Variants in SND1 observed in about 807,000 individuals in gnomAD.
The protein encoded by SND1 is staphylococcal nuclease and tudor domain containing 1, also known as staphylococcal nuclease domain-containing protein 1.
Under a neutral mutation model 121.7 loss-of-function variants are expected in SND1, and 38 were observed. That is an observed-to-expected ratio of 0.31 (90% CI 0.24 to 0.41). The LOEUF (loss-of-function observed/expected upper bound fraction) is 0.41. SND1 is among the 10% of genes least tolerant of loss of function. The pLI is 1.00. For missense variants in SND1, 868 were observed against 1,184.6 expected, an observed-to-expected ratio of 0.73 and a Z score of 3.92; for synonymous variants, 401 against 447.4, an observed-to-expected ratio of 0.90 and a Z score of 1.31.
intron 10 of SND1, among the ~76,000 whole-genome samples, chr7:127,788,739 T>G (rs1425912691): frequency 6.6e-6 from 1 of 152,236 alleles, no homozygotes; most frequent in Non-Finnish European, 1.5e-5. Flanking sequence ...GGATCACTGG[T>G]GCCCTGATTC....
rs185563614 is a variant in SND1 at position 127,802,155 on chromosome 7, T to C, written c.1153-5329T>C. Among the ~76,000 whole-genome samples the C allele has an allele frequency of 5.3e-5, 8 of 152,186 alleles. No individual in the cohort carries two copies. In the East Asian group the frequency reaches 1.5e-3, roughly 29 times the overall value. On this transcript the variant is annotated intron_variant, in intron 10 of 23. Transcript: ENST00000354725. ...CCACCGCGCCCAGCTCTAGAACTTTTTACTCCCCCCAAAATTCAACTACTA... is the reference window on the plus strand; with the variant it reads ...CCACCGCGCCCAGCTCTAGAACTTTCTACTCCCCCCAAAATTCAACTACTA...
chr7:127,746,731 C>A (rs2116447021), intron 10 of SND1, among the ~76,000 whole-genome samples: 1 of 152,208 alleles, frequency 6.6e-6, no homozygotes, highest in Middle Eastern at 3.4e-3. Flanking sequence ...GTGTCTTAGG[C>A]TAGAAAACTG....
intron 10 of SND1, among the ~76,000 whole-genome samples, chr7:127,793,862 G>A (rs1241646050): frequency 6.6e-6 from 1 of 152,054 alleles, no homozygotes; most frequent in Non-Finnish European, 1.5e-5. Flanking sequence ...TTTACTAGGT[G>A]CAACCAACTG....
intron 16 of SND1, among the ~76,000 whole-genome samples, chr7:128,026,048 G>A (rs1803469472): frequency 6.6e-6 from 1 of 151,400 alleles, no homozygotes; most frequent in African/African-American, 2.4e-5. Flanking sequence ...TTAGGAAATT[G>A]GCTCCTCATC....
At chr7:127,923,721 C>T (rs993699280) in intron 14 of SND1, among the ~76,000 whole-genome samples, 9 of 152,124 alleles carry the variant, frequency 5.9e-5, no homozygotes, top group Non-Finnish European at 1.5e-5. Flanking sequence ...TGTGATTTGT[C>T]TTCCATATAG....
intron 15 of SND1, among the ~76,000 whole-genome samples, chr7:127,935,497 G>C (rs3757765): frequency 2.0e-5 from 3 of 152,184 alleles, no homozygotes; most frequent in African/African-American, 4.8e-5. Context: ...AGAAGCACTC[G>C]TCTGAATTCT....
intron 12 of SND1, chr7:127,858,060 T>G: frequency 2.5e-6 from 3 of 1,190,144 alleles, no homozygotes; most frequent in African/African-American, 1.5e-5. Context: ...CTGGCAACTC[T>G]GCTTCTCCTC....
At chr7:127,877,129 T>G (rs1799705369) in intron 12 of SND1, among the ~76,000 whole-genome samples, 1 of 152,128 alleles carries the variant, frequency 6.6e-6, no homozygotes, top group Non-Finnish European at 1.5e-5. Flanking sequence ...TTACTTGTCT[T>G]ATAAAGCCAT....
At chr7:127,894,857 C>A (rs561096651) in intron 13 of SND1, among the ~76,000 whole-genome samples, 2 of 148,402 alleles carry the variant, frequency 1.3e-5, no homozygotes, top group East Asian at 2.0e-4. Flanking sequence ...CAGGCATGGG[C>A]GATAATAGCG....
intron 15 of SND1, among the ~76,000 whole-genome samples, chr7:127,980,607 C>A (rs1008289708): frequency 7.2e-5 from 11 of 152,076 alleles, no homozygotes; most frequent in African/African-American, 2.4e-4. Flanking sequence ...TCACTTGCCT[C>A]AGGAGGAGGA....
At chr7:127,775,601 G>C (rs558155890) in intron 10 of SND1, among the ~76,000 whole-genome samples, 1 of 152,024 alleles carries the variant, frequency 6.6e-6, no homozygotes, top group Non-Finnish European at 1.5e-5. Flanking sequence ...GAGCACCCTG[G>C]TTCCCCCAGT....
intron 15 of SND1, among the ~76,000 whole-genome samples, chr7:127,960,076 G>T (rs558832049): frequency 8.4e-4 from 128 of 152,264 alleles, no homozygotes; most frequent in African/African-American, 2.8e-3. Flanking sequence ...CTGGCCATTC[G>T]TCTCTGGAAC....
chr7:128,054,148 G>A (rs1034184427), intron 16 of SND1, among the ~76,000 whole-genome samples: 19 of 152,180 alleles, frequency 1.2e-4, no homozygotes, highest in African/African-American at 4.6e-4. Context: ...GAGTGGCGGT[G>A]GCATGTACAC....
At chr7:127,749,062 T>TC (rs1797034023) in intron 10 of SND1, among the ~76,000 whole-genome samples, 1 of 139,894 alleles carries the variant, frequency 7.1e-6, no homozygotes, top group Non-Finnish European at 1.6e-5. Context: ...TTTTTTTTTT[T>TC]GAGACAGGGT....
chr7:128,089,302 C>T (rs1793736543), intron 21 of SND1, among the ~76,000 whole-genome samples, 187 bp from the exon 22 acceptor site: 1 of 152,276 alleles, frequency 6.6e-6, no homozygotes, highest in South Asian at 2.1e-4. Context: ...GGTCCACCCA[C>T]CTCAGCCTCC....
intron 10 of SND1, among the ~76,000 whole-genome samples, chr7:127,750,557 G>A (rs1797070816): frequency 6.6e-6 from 1 of 152,174 alleles, no homozygotes; most frequent in Admixed American, 6.5e-5. Flanking sequence ...TACAGGTTGA[G>A]TATTCCTTAT....
rs145576520 is a variant in SND1 at position 127,652,388 on chromosome 7, G to C, written c.15G>C (p.Ala5=). The change falls in exon 1 of 24, where the codon GCG becomes GCC. Residue 5 remains alanine (A), a synonymous_variant. Transcript: ENST00000354725. The part of the protein sequence containing the change: MASS[A]QSGGSSGGPA... ...CATCTCCACACATGGCGTCCTCCGC[G>C]CAGAGCGGCGGCTCCTCCGGGGGAC... 1,050 of 1,598,812 alleles carry C rather than the reference G, an allele frequency of 6.6e-4. 6 individuals carry two copies. The highest frequency in any genetic ancestry group is 5.8e-3 in the Middle Eastern group (35 of 6,042).
Position 127,759,494 on chromosome 7 carries a change from C to T in SND1, c.1152+38094C>T, listed in dbSNP as rs182269553. Among the ~76,000 whole-genome samples the T allele has an allele frequency of 4.8e-3, 731 of 152,204 alleles. 6 individuals are homozygous for T. Among genetic ancestry groups the T allele is most frequent in the Middle Eastern group, 6.8e-3 (2 of 294 alleles). On this transcript the variant is annotated intron_variant, in intron 10 of 23. Transcript: ENST00000354725. ...CCATTTCTTGCTTTGTGGGATGAGG[C>T]TTAGTTTAAACTATCTCCAGGTCAG...
At chr7:127,983,364 G>A (rs990885842) in intron 15 of SND1, among the ~76,000 whole-genome samples, 6 of 152,108 alleles carry the variant, frequency 3.9e-5, no homozygotes, top group Non-Finnish European at 8.8e-5. Context: ...TGACTCCAGG[G>A]GACCAAGTGC....
Sources: allele counts gnomAD v4.1 joint callset (sites outside exome capture counted in the v4.1 genomes callset), GRCh38; gene constraint gnomAD v4.1.1; transcripts MANE v1.5; gene names NCBI Gene and HGNC (gene_info 2026-07-23, HGNC 2026-07-21).